TMEM94: variants seen among roughly 807,000 people sequenced by gnomAD.
TMEM94 encodes ER Mg2+ ATPase.
TMEM94 carries 81 observed loss-of-function variants against 158.6 expected under a neutral mutation model. The observed-to-expected ratio is 0.51, with a 90% confidence interval of 0.43 to 0.61. TMEM94 has a LOEUF of 0.61. Among genes scored for constraint, TMEM94 ranks in the 20% least tolerant of loss-of-function variants. TMEM94 has a pLI of 0.00. For synonymous variants in TMEM94, 751 were observed against 730.7 expected (o/e 1.03, Z -0.45); for missense variants, 1,435 against 1,762.0 (o/e 0.81, Z 3.32).
In TMEM94 at chr17:75,494,716, G is replaced by C; in HGVS notation, c.2497G>C (p.Ala833Pro). ...FMGMVSSQYQ[A>P]RLDIVRLIDG... Reference sequence around the variant, plus strand: ...GGGCATGGTGTCCTCCCAGTACCAGGCCCGGCTGGACATCGTGCGCCTCAT... The same window carrying C: ...GGGCATGGTGTCCTCCCAGTACCAGCCCCGGCTGGACATCGTGCGCCTCAT... Residue 833 changes from alanine (A) to proline (P), a missense_variant, in exon 19 of 32, where the codon GCC becomes CCC. Ala to Pro is a conservative substitution (Grantham distance 27). Around this residue, in one of 3 missense-constraint regions of TMEM94, gnomAD observed 1,051 missense variants for 1,254.4 expected, o/e 0.84. Coordinates refer to ENST00000314256, the MANE Select transcript of TMEM94 (RefSeq NM_014738.6). The C allele has an allele frequency of 1.9e-6, 3 of 1,613,762 alleles. No homozygotes were observed. Among genetic ancestry groups the C allele is most frequent in the Non-Finnish European group, 2.5e-6 (3 of 1,180,028 alleles).
chr17:75,473,610 C>T (rs990666069), intron 2 of TMEM94, among the ~76,000 whole-genome samples: 4 of 152,170 alleles, frequency 2.6e-5, no homozygotes, highest in African/African-American at 9.7e-5. Flanking sequence ...ACTTGAGAAC[C>T]CAGCTGGATA....
intron 2 of TMEM94, among the ~76,000 whole-genome samples, chr17:75,478,234 G>C (rs577331319): frequency 7.0e-6 from 1 of 141,996 alleles, no homozygotes; most frequent in Non-Finnish European, 1.5e-5. Flanking sequence ...AGCCGGGATG[G>C]TCTCGATCTC....
chr17:75,471,812 T>G lies in TMEM94; in HGVS notation c.-94T>G. ...TCTTTTTCCCCAGATGTTGTGACTG[T>G]GACAGACTCACTGGGGTTTGTACAT... is the stretch of plus-strand genomic sequence containing the variant. On this transcript the variant is annotated 5_prime_UTR_variant, in exon 2 of 32. Coordinates refer to ENST00000314256, the MANE Select transcript of TMEM94 (RefSeq NM_014738.6). 7.8e-7 allele frequency: 1 copy of G among 1,281,922 alleles called. No homozygotes were observed. The highest frequency in any genetic ancestry group is 1.1e-6 in the Non-Finnish European group (1 of 883,140). The allele number at this position is 1,281,922 out of a possible 1,614,324, so 79.4% of individuals were successfully genotyped here. A position where few individuals can be genotyped will look rare whatever the true frequency, so the allele number is the denominator to read the frequency against.
At chr17:75,482,361 A>AG (rs2051230104) in intron 2 of TMEM94, among the ~76,000 whole-genome samples, 1 of 151,992 alleles carries the variant, frequency 6.6e-6, no homozygotes, top group East Asian at 1.9e-4. Context: ...AGAAAAAAAA[A>AG]AAAGCAAAGA....
chr17:75,465,190 T>C (rs1351255392), intron 1 of TMEM94, among the ~76,000 whole-genome samples: 2 of 152,096 alleles, frequency 1.3e-5, no homozygotes, highest in African/African-American at 4.8e-5. Context: ...TTTTAAATTT[T>C]TTTGTAAGAC....
Position 75,498,404 on chromosome 17 carries a change from G to T in TMEM94, c.3639-40G>T. 6.2e-7 allele frequency: 1 copy of T among 1,608,282 alleles called. No homozygotes were observed. The highest frequency in any genetic ancestry group is 1.1e-5 in the South Asian group (1 of 90,428). ...CCTCCCCACCCCAGCCTACCTCCCT[G>T]CGGCCCTAGAGGGGCTGAGCCCATG... is the stretch of plus-strand genomic sequence containing the variant. On this transcript the variant is annotated intron_variant, in intron 28 of 31. Transcript: ENST00000314256. This position sits in a 1 kb window ranked among gnomAD's most constrained non-coding sequence, Gnocchi z 6.7.
Position 75,489,239 on chromosome 17 carries a change from G to A in TMEM94, c.765-27G>A. 6.2e-7 allele frequency: 1 copy of A among 1,606,514 alleles called. No homozygotes were observed. The highest frequency in any genetic ancestry group is 1.3e-5 in the African/African-American group (1 of 74,868). ...TAGGTTTCTAGCCTCTCTGCCAAGT[G>A]AGACTGACAGTCACTTCTTTCTGCA... On this transcript the variant is annotated intron_variant, in intron 7 of 31. Transcript: ENST00000314256. The surrounding 1 kb of genome is among the most constrained non-coding windows in gnomAD (Gnocchi z 5.0).
intron 1 of TMEM94, among the ~76,000 whole-genome samples, chr17:75,469,876 G>A (rs1432130463): frequency 2.0e-5 from 3 of 151,734 alleles, no homozygotes; most frequent in South Asian, 2.1e-4. Context: ...AGTTTGAGAC[G>A]AGCCTGACCA....
Position 75,485,057 on chromosome 17 carries a change from T to C in TMEM94, c.25-371T>C, listed in dbSNP as rs1180178737. Among the ~76,000 whole-genome samples the C allele has an allele frequency of 1.3e-5, 2 of 150,258 alleles. No individual in the cohort carries two copies. Among genetic ancestry groups the C allele is most frequent in the South Asian group, 4.2e-4 (2 of 4,752 alleles). ...TATCTAAAAAAAAAAAAAAAAATTG[T>C]CCATGCAATCAAAGACTGGCCCCCT... On this transcript the variant is annotated intron_variant, in intron 2 of 31. Coordinates refer to ENST00000314256, the MANE Select transcript of TMEM94 (RefSeq NM_014738.6). The surrounding 1 kb of genome is among the most constrained non-coding windows in gnomAD (Gnocchi z 5.5).
chr17:75,498,290 A>T lies in TMEM94; in HGVS notation c.3605A>T (p.Asn1202Ile), dbSNP rs186821355. The T allele has an allele frequency of 6.2e-7, 1 of 1,613,164 alleles. No individual in the cohort carries two copies. The highest frequency in any genetic ancestry group is 8.5e-7 in the Non-Finnish European group (1 of 1,179,958). ...QSFCDSSRDRNLTNCSSVMLP... is the reference protein window; with the variant it reads ...QSFCDSSRDRILTNCSSVMLP... ...TTCTGTGACAGCTCCCGGGACCGCA[A>T]CCTCACCAACTGCTCCTCCGTCATG... The change falls in exon 28 of 32, where the codon AAC becomes ATC. Residue 1202 changes from asparagine (N) to isoleucine (I), a missense_variant. Physicochemically the swap from Asn to Ile is moderately radical, Grantham distance 149. Coordinates refer to ENST00000314256, the MANE Select transcript of TMEM94 (RefSeq NM_014738.6). This position sits in a 1 kb window ranked among gnomAD's most constrained non-coding sequence, Gnocchi z 6.7.
chr17:75,490,203 G>C (rs1323362636), intron 9 of TMEM94, 31 bp from the exon 10 acceptor site: 2 of 1,613,262 alleles, frequency 1.2e-6, no homozygotes, highest in African/African-American at 1.3e-5. Context: ...CCGGAGCTCA[G>C]GAGCCATCTG....
In TMEM94 at chr17:75,498,897, C is replaced by T. The variant is rs201589504; in HGVS notation, c.3828-15C>T. 3.1e-5 allele frequency: 48 copies of T among 1,534,328 alleles called. No individual in the cohort carries two copies. In the Admixed American group the frequency reaches 5.1e-4, roughly 16 times the overall value. ...AAGCAGTGTCGGGTTCACACGGGGC[C>T]GCCACCTCCTGCAGGCTGCTGGGTC... On this transcript the variant is annotated splice_polypyrimidine_tract_variant and intron_variant, in intron 30 of 31. Transcript: ENST00000314256. This position sits in a 1 kb window ranked among gnomAD's most constrained non-coding sequence, Gnocchi z 6.7.
chr17:75,463,025 A>T (rs1487074157), intron 1 of TMEM94, among the ~76,000 whole-genome samples: 1 of 11,462 alleles, frequency 8.7e-5, no homozygotes, highest in Non-Finnish European at 1.7e-4. Context: ...AAAAAAAAAA[A>T]AAAAAAAAAA....
chr17:75,478,154 G>A lies in TMEM94; in HGVS notation c.24+6225G>A, dbSNP rs1260348009. On this transcript the variant is annotated intron_variant, in intron 2 of 31. Coordinates refer to ENST00000314256, the MANE Select transcript of TMEM94 (RefSeq NM_014738.6). ...CCTCAGCCTCCCAAGTAGCTGGGAC[G>A]ACAGGCGCCCGCCACTACGCCCGGC... 6.6e-5 allele frequency among the ~76,000 whole-genome samples: 8 copies of A among 120,648 alleles called. 1 individual carries two copies. Among genetic ancestry groups the A allele is most frequent in the African/African-American group, 2.2e-4 (7 of 32,412 alleles). 79.1% of individuals were successfully genotyped at this position (120,648 alleles called of 152,430 possible). A position where few individuals can be genotyped will look rare whatever the true frequency, so the allele number is the denominator to read the frequency against.
At chr17:75,471,444 G>A (rs1485981649) in intron 1 of TMEM94, among the ~76,000 whole-genome samples, 1 of 151,914 alleles carries the variant, frequency 6.6e-6, no homozygotes, top group Admixed American at 6.6e-5. Flanking sequence ...ACTTTTCCGC[G>A]TACCATACTG....
chr17:75,491,193 C>G lies in TMEM94; in HGVS notation c.1233+40C>G. Reference sequence around the variant, plus strand: ...TGCGGGGAGGAGGCAACTGTCATGCCCGCCCTGCTCTCTGGCTGGGCCTGG... The same window carrying G: ...TGCGGGGAGGAGGCAACTGTCATGCGCGCCCTGCTCTCTGGCTGGGCCTGG... On this transcript the variant is annotated intron_variant, in intron 12 of 31. Coordinates refer to ENST00000314256, the MANE Select transcript of TMEM94 (RefSeq NM_014738.6). This position sits in a 1 kb window ranked among gnomAD's most constrained non-coding sequence, Gnocchi z 5.1. 2 of 1,593,552 alleles carry G rather than the reference C, an allele frequency of 1.3e-6. No homozygotes were observed. Among genetic ancestry groups the G allele is most frequent in the Non-Finnish European group, 1.7e-6 (2 of 1,166,892 alleles).
chr17:75,485,860 G>A lies in TMEM94; in HGVS notation c.145-11G>A, dbSNP rs184192273. 1,596 of 1,605,908 alleles carry A rather than the reference G, an allele frequency of 9.9e-4. 1 individual carries two copies. The highest frequency in any genetic ancestry group is 1.2e-3 in the Non-Finnish European group (1,383 of 1,175,202). On this transcript the variant is annotated splice_polypyrimidine_tract_variant and intron_variant, in intron 3 of 31. Coordinates refer to ENST00000314256, the MANE Select transcript of TMEM94 (RefSeq NM_014738.6). The surrounding 1 kb of genome is among the most constrained non-coding windows in gnomAD (Gnocchi z 5.5). Reference sequence around the variant, plus strand: ...GCCTCTCATTGTCCCCTCCCTGTCCGAACTTCCCAGGAGGTGTGGAGAAGC... The same window carrying A: ...GCCTCTCATTGTCCCCTCCCTGTCCAAACTTCCCAGGAGGTGTGGAGAAGC...
In TMEM94 at chr17:75,498,369, AG is replaced by A; in HGVS notation, c.3638+48del. On this transcript the variant is annotated intron_variant, in intron 28 of 31. Coordinates refer to ENST00000314256, the MANE Select transcript of TMEM94 (RefSeq NM_014738.6). The surrounding 1 kb of genome is among the most constrained non-coding windows in gnomAD (Gnocchi z 6.7). ...TCCACCCATCGCCTGCCTCGCCTCGAGGCTTCCTCCCTCCCCACCCCAGCCT... is the reference window on the plus strand; with the variant it reads ...TCCACCCATCGCCTGCCTCGCCTCGAGCTTCCTCCCTCCCCACCCCAGCCT... The A allele has an allele frequency of 6.2e-7, 1 of 1,612,230 alleles. No individual in the cohort carries two copies. Among genetic ancestry groups the A allele is most frequent in the East Asian group, 2.2e-5 (1 of 44,868 alleles).
In TMEM94 at chr17:75,498,274, A is replaced by T; in HGVS notation, c.3589A>T (p.Ser1197Cys). ...CTTCACACTGCAGAGCTTCTGTGAC[A>T]GCTCCCGGGACCGCAACCTCACCAA... The part of the protein sequence containing the change: ...FGFTLQSFCD[S>C]SRDRNLTNCS... Residue 1197 changes from serine (S) to cysteine (C), a missense_variant, in exon 28 of 32, where the codon AGC becomes TGC. By Grantham distance (112) the Ser-to-Cys change is moderately radical. This residue lies in a region of TMEM94 where 335 missense variants were observed against 409.1 expected (regional missense o/e 0.82). Coordinates refer to ENST00000314256, the MANE Select transcript of TMEM94 (RefSeq NM_014738.6). This position sits in a 1 kb window ranked among gnomAD's most constrained non-coding sequence, Gnocchi z 6.7. 2 of 1,613,506 alleles carry T rather than the reference A, an allele frequency of 1.2e-6. No individual in the cohort carries two copies. The highest frequency in any genetic ancestry group is 1.7e-6 in the Non-Finnish European group (2 of 1,179,996).
Sources: gnomAD v4.1 joint callset for allele counts (sites outside exome capture counted in the v4.1 genomes callset) on GRCh38, gnomAD v4.1.1 for gene constraint, gnomAD v4.1.1 regional missense constraint, Gnocchi (gnomAD v3.1) non-coding constraint, MANE v1.5 for transcripts, NCBI Gene and HGNC (gene_info 2026-07-23, HGNC 2026-07-21) for gene names.